The following TEX11 variants were observed in gnomAD, a reference collection of about 807,000 sequenced individuals.
TEX11 encodes the protein testis-expressed protein 11.
Under a neutral mutation model 84.4 loss-of-function variants are expected in TEX11, and 7 were observed. The ratio of observed to expected loss-of-function variants is 0.08; its 90% CI spans 0.05 to 0.16. TEX11 has a LOEUF of 0.16. Ranked by LOEUF, TEX11 falls within the 10% of genes least tolerant of loss-of-function variation. The pLI, the probability that TEX11 is intolerant of heterozygous loss-of-function variation, is 1.00. For missense variants in TEX11, 551 were observed against 660.5 expected (o/e 0.83, Z 1.82); for synonymous variants, 264 against 222.8 (o/e 1.18, Z -1.64).
At chrX:70,654,562 T>G (rs1214481985) in intron 16 of TEX11, among the ~76,000 whole-genome samples, 1 of 108,909 alleles carries the variant, frequency 9.2e-6, no homozygotes, top group Non-Finnish European at 1.9e-5. Flanking sequence ...AATATAAAAA[T>G]TAGCTGGATG....
At chrX:70,697,411 G>A (rs1453491414) in intron 13 of TEX11, among the ~76,000 whole-genome samples, 2 of 111,578 alleles carry the variant, frequency 1.8e-5, no homozygotes, top group Non-Finnish European at 3.8e-5. Context: ...GCAAGGACTC[G>A]TTCCAATATA....
intron 28 of TEX11, among the ~76,000 whole-genome samples, chrX:70,530,534 T>C (rs1019006051): frequency 1.8e-5 from 2 of 112,199 alleles, no homozygotes. Context: ...TTAACATGAC[T>C]AATCACAAGA....
At chrX:70,878,204 G>A (rs1222172831) in intron 3 of TEX11, among the ~76,000 whole-genome samples, 3 of 82,227 alleles carry the variant, frequency 3.6e-5, no homozygotes, top group African/African-American at 1.0e-4. Context: ...ACGGAGTCTC[G>A]CTCTGTCACC....
At chrX:70,813,870 T>A (rs1428563007) in intron 8 of TEX11, among the ~76,000 whole-genome samples, 1 of 111,208 alleles carries the variant, frequency 9.0e-6, no homozygotes, top group Non-Finnish European at 1.9e-5. Flanking sequence ...GAGAATAAAA[T>A]ACCTAAGAAT....
intron 9 of TEX11, among the ~76,000 whole-genome samples, chrX:70,755,690 A>G (rs996606433): frequency 2.7e-5 from 3 of 112,125 alleles, no homozygotes; most frequent in Admixed American, 9.4e-5. Flanking sequence ...GCAGAAGATG[A>G]GTGATTTCTG....
chrX:70,515,063 G>C, the TEX11 span, among the ~76,000 whole-genome samples: 1 of 53,048 alleles, frequency 1.9e-5, no homozygotes, highest in African/African-American at 6.4e-5. Context: ...AGTGAAACTC[G>C]GTCACACACA....
intron 9 of TEX11, among the ~76,000 whole-genome samples, chrX:70,779,417 A>AC (rs1356310632): frequency 3.7e-5 from 4 of 107,407 alleles, no homozygotes; most frequent in Middle Eastern, 4.8e-3. Context: ...CCCGTCTCAA[A>AC]AAAAAAAAAA....
rs780305498 is a variant in TEX11 at position 70,605,330 on chromosome X, T to C, written c.2067+71A>G. 215 of 664,573 alleles carry C rather than the reference T, an allele frequency of 3.2e-4. 2 individuals carry two copies. In the South Asian group the frequency reaches 5.9e-3, roughly 18 times the overall value. 54.8% of individuals were successfully genotyped at this position (664,573 alleles called of 1,213,427 possible). ...TTCTCTAAAGAGAATCAAAAAGAACTGCATCAGGGAAGGCAAACATATCAA... is the reference window on the plus strand; with the variant it reads ...TTCTCTAAAGAGAATCAAAAAGAACCGCATCAGGGAAGGCAAACATATCAA... On this transcript the variant is annotated intron_variant, in intron 24 of 29. Coordinates refer to ENST00000374333, the MANE Select transcript of TEX11 (RefSeq NM_031276.3).
chrX:70,552,329 A>C, intron 27 of TEX11, 83 bp from the exon 28 acceptor site: 72 of 1,080,404 alleles, frequency 6.7e-5, no homozygotes, highest in East Asian at 1.6e-4. Flanking sequence ...CCTGGATCTC[A>C]TCCCAGACTA....
At chrX:70,679,720 A>C (rs1218621389) in intron 14 of TEX11, among the ~76,000 whole-genome samples, 4 of 93,655 alleles carry the variant, frequency 4.3e-5, no homozygotes, top group African/African-American at 1.2e-4. Flanking sequence ...CCACCTCGTC[A>C]GGCAGGGAGG....
intron 7 of TEX11, among the ~76,000 whole-genome samples, chrX:70,839,596 A>C (rs1447193668): frequency 8.9e-6 from 1 of 112,163 alleles, no homozygotes; most frequent in Non-Finnish European, 1.9e-5. Flanking sequence ...TCCTCCTCCA[A>C]AGGAATGCAG....
At chrX:70,849,801 CAACT>C (rs1412693284) in intron 7 of TEX11, among the ~76,000 whole-genome samples, 2 of 111,995 alleles carry the variant, frequency 1.8e-5, no homozygotes, top group African/African-American at 6.5e-5. Context: ...CTGATTATAA[CAACT>C]AACACTTTTA....
At chrX:70,569,795 G>C in intron 25 of TEX11, among the ~76,000 whole-genome samples, 1 of 111,096 alleles carries the variant, frequency 9.0e-6, no homozygotes, top group Non-Finnish European at 1.9e-5. Context: ...ACCCAGCTGT[G>C]TGAGGTGTCA....
At chrX:70,767,027 T>C (rs1490321200) in intron 9 of TEX11, among the ~76,000 whole-genome samples, 1 of 111,893 alleles carries the variant, frequency 8.9e-6, no homozygotes, top group Non-Finnish European at 1.9e-5. Context: ...AAGAAAACAT[T>C]GGAGAAAATC....
chrX:70,512,905 C>A, the TEX11 span, among the ~76,000 whole-genome samples: 3 of 109,230 alleles, frequency 2.7e-5, no homozygotes, highest in Non-Finnish European at 5.7e-5. Context: ...CTTATTCTAG[C>A]AGTTGTCCCT....
At chrX:70,764,721 T>G (rs1034208466) in intron 9 of TEX11, among the ~76,000 whole-genome samples, 1 of 110,786 alleles carries the variant, frequency 9.0e-6, no homozygotes, top group Non-Finnish European at 1.9e-5. Flanking sequence ...ATTGAAAAAT[T>G]TAAAGAAATG....
Position 70,668,391 on chromosome X carries a change from T to G in TEX11, c.1380+1986A>C, listed in dbSNP as rs748705074. Among the ~76,000 whole-genome samples, 31 of 112,206 alleles carry G rather than the reference T, an allele frequency of 2.8e-4. 1 individual carries two copies. The highest frequency in any genetic ancestry group is 4.9e-4 in the Non-Finnish European group (26 of 53,217). ...GGTGGGATTATTAAAATATGATGGATTGTGTATTTTTTTCACCTTTCTGTC... is the reference window on the plus strand; with the variant it reads ...GGTGGGATTATTAAAATATGATGGAGTGTGTATTTTTTTCACCTTTCTGTC... On this transcript the variant is annotated intron_variant, in intron 16 of 29. Coordinates refer to ENST00000374333, the MANE Select transcript of TEX11 (RefSeq NM_031276.3).
intron 7 of TEX11, among the ~76,000 whole-genome samples, chrX:70,845,186 G>C (rs2147846219): frequency 9.0e-6 from 1 of 110,647 alleles, no homozygotes; most frequent in Non-Finnish European, 1.9e-5. Context: ...ACTTTTGAGA[G>C]GGAATCTCAC....
At chrX:70,531,183 A>G (rs1223363990) in intron 28 of TEX11, among the ~76,000 whole-genome samples, 1 of 111,440 alleles carries the variant, frequency 9.0e-6, no homozygotes. Flanking sequence ...TTTCCTGTGC[A>G]TTTTTGTATC....
Sources: allele counts gnomAD v4.1 joint callset (sites outside exome capture counted in the v4.1 genomes callset), GRCh38; gene constraint gnomAD v4.1.1; transcripts MANE v1.5; gene names NCBI Gene and HGNC (gene_info 2026-07-23, HGNC 2026-07-21).